RGPD2: variants seen among roughly 807,000 people sequenced by gnomAD.
The protein encoded by RGPD2 is RANBP2 like and GRIP domain containing 2, also known as RANBP2-like and GRIP domain-containing protein 2.
In RGPD2, 2 loss-of-function variants were observed where a neutral mutation model predicts 36.0. The ratio of observed to expected loss-of-function variants is 0.06; its 90% CI spans 0.02 to 0.17. RGPD2 has a LOEUF of 0.17. Among genes scored for constraint, RGPD2 ranks in the 10% least tolerant of loss-of-function variants. The pLI, the probability that RGPD2 is intolerant of heterozygous loss-of-function variation, is 1.00. For synonymous variants in RGPD2, 19 were observed against 163.8 expected (o/e 0.12, Z 6.75); for missense variants, 40 against 464.3 (o/e 0.09, Z 8.40).
the RGPD2 span, among the ~76,000 whole-genome samples, chr2:87,877,697 C>T: frequency 2.9e-4 from 42 of 146,814 alleles, no homozygotes; most frequent in African/African-American, 7.5e-4. Flanking sequence ...CCCAGCTACT[C>T]GGGAGTCTGA....
chr2:87,922,777 T>C, the RGPD2 span, among the ~76,000 whole-genome samples: 2 of 151,818 alleles, frequency 1.3e-5, no homozygotes, highest in Non-Finnish European at 1.5e-5. Context: ...CAAAGGGCTC[T>C]TCAACTCTAA....
At chr2:87,878,144 T>C in the RGPD2 span, among the ~76,000 whole-genome samples, 1 of 152,404 alleles carries the variant, frequency 6.6e-6, no homozygotes, top group African/African-American at 2.4e-5. Flanking sequence ...CTATTCTCCC[T>C]ATCTCTTTCA....
At chr2:87,809,283 C>T (rs1480559471) in intron 6 of RGPD2, among the ~76,000 whole-genome samples, 1 of 150,504 alleles carries the variant, frequency 6.6e-6, no homozygotes, top group African/African-American at 2.4e-5. Flanking sequence ...CCAGCCTGGG[C>T]AACAGAGCGA....
chr2:87,966,203 G>A, the RGPD2 span, among the ~76,000 whole-genome samples: 7 of 152,362 alleles, frequency 4.6e-5, no homozygotes, highest in Non-Finnish European at 8.8e-5. Context: ...GTCTTCTAAT[G>A]CCTGGTCTCC....
At chr2:87,985,136 CTAAT>C in the RGPD2 span, among the ~76,000 whole-genome samples, 1 of 2,806 alleles carries the variant, frequency 3.6e-4, no homozygotes, top group Non-Finnish European at 3.5e-3. Context: ...TGTAAATAAT[CTAAT>C]AAGGGCCTGT....
chr2:87,882,859 T>C, the RGPD2 span, among the ~76,000 whole-genome samples: 1 of 152,118 alleles, frequency 6.6e-6, no homozygotes. Flanking sequence ...TAAATAACAC[T>C]GTTTTTTAAA....
At chr2:87,769,213 C>T (rs1478388803) in intron 22 of RGPD2, among the ~76,000 whole-genome samples, 7 of 137,176 alleles carry the variant, frequency 5.1e-5, no homozygotes, top group Non-Finnish European at 9.6e-5. Context: ...GGTGATCTAC[C>T]CTCCTCAGCC....
At chr2:87,913,211 C>A in the RGPD2 span, among the ~76,000 whole-genome samples, 1 of 151,768 alleles carries the variant, frequency 6.6e-6, no homozygotes, top group African/African-American at 2.4e-5. Context: ...TACTATGCAG[C>A]CATAAAAAAT....
chr2:87,821,999 G>A (rs1013465630), intron 1 of RGPD2, among the ~76,000 whole-genome samples: 5 of 149,882 alleles, frequency 3.3e-5, no homozygotes, highest in African/African-American at 9.9e-5. Flanking sequence ...ACGGAGTCTC[G>A]CTCTGTCGCC....
chr2:87,847,718 C>T, the RGPD2 span, among the ~76,000 whole-genome samples: 1 of 149,068 alleles, frequency 6.7e-6, no homozygotes, highest in Non-Finnish European at 1.5e-5. Flanking sequence ...AGGATGGTCT[C>T]GATCTCTTGA....
the RGPD2 span, among the ~76,000 whole-genome samples, chr2:87,915,245 ACT>A: frequency 6.8e-6 from 1 of 147,582 alleles, no homozygotes; most frequent in African/African-American, 2.5e-5. Context: ...ACTTAAAGGA[ACT>A]TTCTAAATAT....
chr2:87,834,306 T>C, the RGPD2 span, among the ~76,000 whole-genome samples: 2 of 152,006 alleles, frequency 1.3e-5, no homozygotes, highest in African/African-American at 2.4e-5. Context: ...GAAAAAGGTA[T>C]CTGTGCACAC....
the RGPD2 span, among the ~76,000 whole-genome samples, chr2:87,856,924 C>T: frequency 1.6e-3 from 240 of 152,090 alleles, no homozygotes; most frequent in African/African-American, 5.3e-3. Flanking sequence ...CTTTGACTAT[C>T]AGCAGATGTT....
chr2:87,947,930 G>A, the RGPD2 span, among the ~76,000 whole-genome samples: 3 of 151,400 alleles, frequency 2.0e-5, no homozygotes, highest in African/African-American at 4.8e-5. Context: ...ACCCGTTCGG[G>A]ACCCCTTCCA....
chr2:87,972,007 T>G, the RGPD2 span, among the ~76,000 whole-genome samples: 1 of 147,964 alleles, frequency 6.8e-6, no homozygotes, highest in Non-Finnish European at 1.5e-5. Flanking sequence ...AGCTCAACTG[T>G]AAAACTAAAA....
the RGPD2 span, among the ~76,000 whole-genome samples, chr2:87,984,095 A>C: frequency 0.9 from 112,441 of 124,906 alleles, 51,063 homozygotes; most frequent in East Asian, 0.99. Flanking sequence ...AAATATGAAT[A>C]AAAAAATAAG....
At chr2:87,861,492 G>A in the RGPD2 span, among the ~76,000 whole-genome samples, 3 of 152,182 alleles carry the variant, frequency 2.0e-5, no homozygotes, top group Admixed American at 6.6e-5. Context: ...ATTTCCAACA[G>A]TGAAGAGGTT....
At chr2:87,848,915 T>C in the RGPD2 span, among the ~76,000 whole-genome samples, 2 of 74,758 alleles carry the variant, frequency 2.7e-5, no homozygotes, top group Non-Finnish European at 3.4e-5. Context: ...CCCTTTCTTT[T>C]ATTTTGGTAT....
At chr2:87,822,260 T>C (rs1458149438) in intron 1 of RGPD2, among the ~76,000 whole-genome samples, 334 of 149,986 alleles carry the variant, frequency 2.2e-3, no homozygotes, top group African/African-American at 7.9e-3. Flanking sequence ...AGAGAAAAAT[T>C]AGAGAAACTC....
Sources: allele counts gnomAD v4.1 joint callset (sites outside exome capture counted in the v4.1 genomes callset), GRCh38; gene constraint gnomAD v4.1.1; transcripts MANE v1.5; gene names NCBI Gene and HGNC (gene_info 2026-07-23, HGNC 2026-07-21).